The following TMEFF2 variants were observed in gnomAD, a reference collection of about 807,000 sequenced individuals.
TMEFF2 encodes the protein transmembrane protein with EGF like and two follistatin like domains 2.
Under a neutral mutation model 53.8 loss-of-function variants are expected in TMEFF2, and 28 were observed. That is an observed-to-expected ratio of 0.52 (90% confidence interval 0.39 to 0.71). The LOEUF (loss-of-function observed/expected upper bound fraction) is 0.71. TMEFF2 is among the 30% of genes least tolerant of loss of function. The probability of loss-of-function intolerance (pLI) is 0.00; values close to 1 mark genes in which losing one functional copy is unlikely to be tolerated. For synonymous variants in TMEFF2, 162 were observed against 166.3 expected (o/e 0.97, Z 0.20); for missense variants, 353 against 455.2 (o/e 0.78, Z 2.04).
intron 5 of TMEFF2, among the ~76,000 whole-genome samples, chr2:192,050,999 G>T (rs1687756523): frequency 6.6e-6 from 1 of 152,048 alleles, no homozygotes; most frequent in South Asian, 2.1e-4. Context: ...ATCATTAAAG[G>T]AATGAGAGGT....
intron 5 of TMEFF2, chr2:192,031,369 A>C (rs921735646): frequency 6.6e-6 from 1 of 152,156 alleles, no homozygotes; most frequent in Non-Finnish European, 1.5e-5. Flanking sequence ...CTTAGCAGAC[A>C]GTCAGTGAAT....
At chr2:192,017,567 G>T (rs1686770539) in intron 5 of TMEFF2, among the ~76,000 whole-genome samples, 1 of 152,054 alleles carries the variant, frequency 6.6e-6, no homozygotes, top group Non-Finnish European at 1.5e-5. Flanking sequence ...TACCACTCTC[G>T]CTGGTTTTCC....
intron 5 of TMEFF2, among the ~76,000 whole-genome samples, chr2:192,051,762 G>A (rs1687779551): frequency 6.6e-6 from 1 of 152,150 alleles, no homozygotes; most frequent in Admixed American, 6.5e-5. Flanking sequence ...CCTAATGACA[G>A]GGAGCTTTCT....
intron 4 of TMEFF2, among the ~76,000 whole-genome samples, chr2:192,065,218 T>C (rs1688138978): frequency 6.6e-6 from 1 of 151,640 alleles, no homozygotes; most frequent in South Asian, 2.1e-4. Flanking sequence ...AACGCTACTC[T>C]TCCTACTTTA....
chr2:192,015,717 T>C (rs1447646208), intron 5 of TMEFF2, among the ~76,000 whole-genome samples: 1 of 152,218 alleles, frequency 6.6e-6, no homozygotes, highest in Non-Finnish European at 1.5e-5. Context: ...AAGGCTCGTT[T>C]CTATGAGAAA....
At chr2:192,096,710 T>A (rs1198486542) in intron 4 of TMEFF2, among the ~76,000 whole-genome samples, 2 of 145,692 alleles carry the variant, frequency 1.4e-5, no homozygotes, top group Admixed American at 1.4e-4. Flanking sequence ...GAGTTTCGCT[T>A]TTATTGCCCA....
At chr2:192,184,307 G>T in intron 3 of TMEFF2, 47 bp downstream of exon 3, 1 of 1,591,900 alleles carries the variant, frequency 6.3e-7, no homozygotes, top group South Asian at 1.1e-5. Flanking sequence ...CATGGTTTTT[G>T]GATTTGGAAT....
chr2:192,163,957 C>T (rs375763653), intron 4 of TMEFF2, among the ~76,000 whole-genome samples: 11 of 152,128 alleles, frequency 7.2e-5, no homozygotes, highest in African/African-American at 2.4e-4. Context: ...GGACATCTGT[C>T]ACCTTCTCAC....
intron 4 of TMEFF2, among the ~76,000 whole-genome samples, chr2:192,147,524 A>C (rs13023497): frequency 0.41 from 60,835 of 149,542 alleles, 13,369 homozygotes; most frequent in Middle Eastern, 0.53. Context: ...TGTTCCCCTT[A>C]CTGTGTCCAA....
At chr2:191,986,313 C>G (rs1685973276) in intron 7 of TMEFF2, among the ~76,000 whole-genome samples, 1 of 152,094 alleles carries the variant, frequency 6.6e-6, no homozygotes, top group African/African-American at 2.4e-5. Context: ...CTAGAATGAA[C>G]AAAAGGATGA....
chr2:192,080,647 T>C (rs1419598568), intron 4 of TMEFF2, among the ~76,000 whole-genome samples: 3 of 152,204 alleles, frequency 2.0e-5, no homozygotes, highest in Admixed American at 6.5e-5. Flanking sequence ...GCACAAATTT[T>C]ACACATATCG....
chr2:192,012,438 T>C (rs1424450765), intron 5 of TMEFF2, among the ~76,000 whole-genome samples: 3 of 152,182 alleles, frequency 2.0e-5, no homozygotes, highest in Non-Finnish European at 4.4e-5. Flanking sequence ...ATTTGGAGCA[T>C]GCTTAGATAG....
chr2:191,957,049 T>C (rs1692124878), intron 7 of TMEFF2, among the ~76,000 whole-genome samples: 1 of 152,254 alleles, frequency 6.6e-6, no homozygotes, highest in South Asian at 2.1e-4. Context: ...ATTTGGCCTG[T>C]ATTAACAATG....
intron 5 of TMEFF2, among the ~76,000 whole-genome samples, chr2:192,055,897 TGCCCATTG>T (rs1363681326): frequency 6.6e-6 from 1 of 152,108 alleles, no homozygotes; most frequent in Non-Finnish European, 1.5e-5. Context: ...GGCTCCTAGC[TGCCCATTG>T]GCTAGAAGTG....
In TMEFF2 at chr2:191,971,074, C is replaced by T. The variant is rs547382341; in HGVS notation, c.746-14696G>A. Among the ~76,000 whole-genome samples the T allele has an allele frequency of 8.5e-4, 130 of 152,212 alleles. 1 individual carries two copies. Among genetic ancestry groups the T allele is most frequent in the Middle Eastern group, 3.4e-3 (1 of 292 alleles). On this transcript the variant is annotated intron_variant, in intron 7 of 9. Transcript: ENST00000272771. ...ACAACTGACTTGCTTCTGGCACTTC[C>T]TTAATTTCTAGTCAGTGATAACTGG...
chr2:191,956,374 A>G lies in TMEFF2; in HGVS notation c.750T>C (p.Asn250=). The change falls in exon 8 of 10, where the codon AAT becomes AAC. Residue 250 remains asparagine (N), a synonymous_variant. Coordinates refer to ENST00000272771, the MANE Select transcript of TMEFF2 (RefSeq NM_016192.4). The part of the protein sequence containing the change: ...GHYARTDYAE[N]ANKLEESARE... ...TGGCACTTTCTTCTAATTTGTTAGCATTCTCTGTGAATACAGATAAAAGTA... is the reference window on the plus strand; with the variant it reads ...TGGCACTTTCTTCTAATTTGTTAGCGTTCTCTGTGAATACAGATAAAAGTA... 2 of 1,613,322 alleles carry G rather than the reference A, an allele frequency of 1.2e-6. No homozygotes were observed. The highest frequency in any genetic ancestry group is 1.7e-6 in the Non-Finnish European group (2 of 1,179,692).
intron 5 of TMEFF2, chr2:192,028,492 G>C (rs1261385788): frequency 1.3e-5 from 2 of 152,020 alleles, no homozygotes; most frequent in Non-Finnish European, 2.9e-5. Flanking sequence ...GTGTGTGTGT[G>C]TGTGTGTGTG....
chr2:192,055,080 T>C (rs1002860648), intron 5 of TMEFF2, among the ~76,000 whole-genome samples: 7 of 152,144 alleles, frequency 4.6e-5, no homozygotes, highest in African/African-American at 1.7e-4. Context: ...GTACATTTTT[T>C]AAAAAGTGAA....
intron 7 of TMEFF2, among the ~76,000 whole-genome samples, chr2:191,976,610 T>C (rs1198959868): frequency 2.6e-5 from 4 of 152,220 alleles, no homozygotes; most frequent in Non-Finnish European, 4.4e-5. Flanking sequence ...TAATGGTCTT[T>C]TGGCAATTTC....
Sources: allele counts gnomAD v4.1 joint callset (sites outside exome capture counted in the v4.1 genomes callset), GRCh38; gene constraint gnomAD v4.1.1; transcripts MANE v1.5; gene names NCBI Gene and HGNC (gene_info 2026-07-23, HGNC 2026-07-21).